ATG2B: variants seen among roughly 807,000 people sequenced by gnomAD.
The protein encoded by ATG2B is autophagy-related protein 2 homolog B.
In ATG2B, 121 loss-of-function variants were observed where a neutral mutation model predicts 241.3. The ratio of observed to expected loss-of-function variants is 0.50; its 90% CI spans 0.43 to 0.58. The LOEUF (loss-of-function observed/expected upper bound fraction) is 0.58, where lower values mean the gene tolerates loss of function less well. Ranked by LOEUF, ATG2B falls within the 20% of genes least tolerant of loss-of-function variation. ATG2B has a pLI of 0.00. For missense variants in ATG2B, 2,306 were observed against 2,491.6 expected (o/e 0.93, Z 1.59); for synonymous variants, 858 against 876.6 (o/e 0.98, Z 0.37).
In ATG2B at chr14:96,317,208, CTG is replaced by C; in HGVS notation, c.3145_3146del (p.Gln1049GlufsTer10). The C allele has an allele frequency of 6.2e-7, 1 of 1,613,890 alleles. No homozygotes were observed. The highest frequency in any genetic ancestry group is 2.2e-5 in the East Asian group (1 of 44,856). On this transcript the variant is annotated frameshift_variant, in exon 20 of 42. Coordinates refer to ENST00000359933, the MANE Select transcript of ATG2B (RefSeq NM_018036.7). LOFTEE classifies it high-confidence loss of function. ...KKLDSQNKNS[Q>X]SFLSVLLNIN... is the part of the protein sequence containing the mutation. ...TATTCAGAAGAACTGAGAGAAAACT[CTG>C]AGAGTTCTTGTTCTGAGAGTCTAAT...
rs886603392 is a variant in ATG2B at position 96,316,983 on chromosome 14, C to T, written c.3210+162G>A. 2.6e-5 allele frequency among the ~76,000 whole-genome samples: 4 copies of T among 152,182 alleles called. No individual in the cohort carries two copies. In the South Asian group the frequency reaches 8.3e-4, roughly 32 times the overall value. ...TTTGATCTGCAACGAAAGCTAAATC[C>T]CCAAAGTTGCTATCATCATGGTTTG... On this transcript the variant is annotated intron_variant, in intron 20 of 41. Coordinates refer to ENST00000359933, the MANE Select transcript of ATG2B (RefSeq NM_018036.7).
chr14:96,363,009 G>GC lies in ATG2B; in HGVS notation c.-34dup. The GC allele has an allele frequency of 6.2e-7, 1 of 1,611,420 alleles. No individual in the cohort carries two copies. The highest frequency in any genetic ancestry group is 8.5e-7 in the Non-Finnish European group (1 of 1,179,254). On this transcript the variant is annotated 5_prime_UTR_variant, in exon 1 of 42. Transcript: ENST00000359933. ...GCTGGCAGCTGGGCTGACTGCGGCTGCGGGTTGCGACGGCTCCGGCCTCGG... is the reference window on the plus strand; with the variant it reads ...GCTGGCAGCTGGGCTGACTGCGGCTGCCGGGTTGCGACGGCTCCGGCCTCGG...
At chr14:96,315,639 A>G in intron 21 of ATG2B, 56 bp from the exon 22 acceptor site, 1 of 1,422,114 alleles carries the variant, frequency 7.0e-7, no homozygotes, top group South Asian at 1.2e-5. Context: ...GAAATTAGCT[A>G]ATCAACTTAC....
chr14:96,345,650 A>G (rs1214658339), intron 2 of ATG2B, among the ~76,000 whole-genome samples: 1 of 152,190 alleles, frequency 6.6e-6, no homozygotes, highest in African/African-American at 2.4e-5. Context: ...ATATCAATTC[A>G]TGTATTCATT....
At chr14:96,351,733 C>A (rs1225739435) in intron 1 of ATG2B, among the ~76,000 whole-genome samples, 5 of 124,670 alleles carry the variant, frequency 4.0e-5, no homozygotes, top group Non-Finnish European at 8.3e-5. Flanking sequence ...AAGACTCCGT[C>A]TCAAAAAAAA....
chr14:96,285,386 T>C lies in ATG2B; in HGVS notation c.*369A>G, dbSNP rs1014319431. On this transcript the variant is annotated 3_prime_UTR_variant, in exon 42 of 42. Transcript: ENST00000359933. The surrounding 1 kb of genome is among the most constrained non-coding windows in gnomAD (Gnocchi z 4.2). ...TAAAAGTTCCGAAGCTGTGATTCTTTTTAAACCTTAAGAAAATCCAACTCC... is the reference window on the plus strand; with the variant it reads ...TAAAAGTTCCGAAGCTGTGATTCTTCTTAAACCTTAAGAAAATCCAACTCC... 6.3e-5 allele frequency: 11 copies of C among 175,480 alleles called. No homozygotes were observed. The highest frequency in any genetic ancestry group is 2.6e-4 in the African/African-American group (11 of 42,472). 10.9% of individuals were successfully genotyped at this position (175,480 alleles called of 1,614,324 possible).
Position 96,294,448 on chromosome 14 carries a change from C to T in ATG2B, c.5426+512G>A, listed in dbSNP as rs141416552. Among the ~76,000 whole-genome samples the T allele has an allele frequency of 7.9e-3, 1,199 of 152,334 alleles. 20 individuals carry two copies. Among genetic ancestry groups the T allele is most frequent in the Non-Finnish European group, 0.012 (793 of 68,028 alleles). ...TGGCCGAGCCGTTGGGCAGCAGTCA[C>T]AGCCGACGGCAGCAGCACAGCGGAC... is the stretch of plus-strand genomic sequence containing the variant. On this transcript the variant is annotated intron_variant, in intron 36 of 41. Coordinates refer to ENST00000359933, the MANE Select transcript of ATG2B (RefSeq NM_018036.7).
intron 1 of ATG2B, among the ~76,000 whole-genome samples, chr14:96,350,131 G>C (rs892710799): frequency 6.6e-6 from 1 of 152,128 alleles, no homozygotes; most frequent in African/African-American, 2.4e-5. Context: ...ACTCCAGTCT[G>C]AGCAACTTAG....
rs781683034 is a variant in ATG2B at position 96,347,225 on chromosome 14, C to T, written c.279G>A (p.Leu93=). 8 of 1,608,236 alleles carry T rather than the reference C, an allele frequency of 5.0e-6. No homozygotes were observed. The highest frequency in any genetic ancestry group is 6.8e-6 in the Non-Finnish European group (8 of 1,175,546). Residue 93 remains leucine, a synonymous_variant, in exon 2 of 42, where the codon CTG becomes CTA. Coordinates refer to ENST00000359933, the MANE Select transcript of ATG2B (RefSeq NM_018036.7). ...WGSLLQDNCA[L]EVRGLEMVFR... Reference sequence around the variant, plus strand: ...AGACCATTTCTAATCCTCTCACTTCCAGTGCACAATTATCCTGCAGTAAAG... The same window carrying T: ...AGACCATTTCTAATCCTCTCACTTCTAGTGCACAATTATCCTGCAGTAAAG...
In ATG2B at chr14:96,332,536, T is replaced by C. The variant is rs537604526; in HGVS notation, c.1327A>G (p.Asn443Asp). The change falls in exon 9 of 42, where the codon AAT becomes GAT. Residue 443 changes from asparagine (N) to aspartate (D), a missense_variant. By Grantham distance (23) the Asn-to-Asp change is conservative. Coordinates refer to ENST00000359933, the MANE Select transcript of ATG2B (RefSeq NM_018036.7). ...CTTAATGGAGATCCTGCTGGGGTAT[T>C]TGTATATGTACTAGTTAATGATAAC... ...LELSLTSTYT[N>D]TPAGSPLSAT... 18 of 1,610,656 alleles carry C rather than the reference T, an allele frequency of 1.1e-5. 1 individual carries two copies. The highest frequency in any genetic ancestry group is 1.1e-4 in the East Asian group (5 of 44,848).
intron 29 of ATG2B, among the ~76,000 whole-genome samples, chr14:96,308,271 T>TATATAC: frequency 3.8e-5 from 1 of 26,456 alleles, no homozygotes; most frequent in Non-Finnish European, 8.2e-5. Context: ...TATATATATA[T>TATATAC]ATATATATAT....
intron 6 of ATG2B, among the ~76,000 whole-genome samples, chr14:96,340,925 C>T (rs1478936134): frequency 2.6e-5 from 1 of 38,292 alleles, no homozygotes; most frequent in African/African-American, 1.2e-4. Flanking sequence ...GACCCCATCT[C>T]GAAAAAAAAA....
At chr14:96,357,581 C>G (rs904066022) in intron 1 of ATG2B, among the ~76,000 whole-genome samples, 1 of 152,164 alleles carries the variant, frequency 6.6e-6, no homozygotes, top group Non-Finnish European at 1.5e-5. Context: ...GTGGAGAAAA[C>G]CTGCTCCTTC....
At chr14:96,294,368 T>C (rs1160969196) in intron 36 of ATG2B, among the ~76,000 whole-genome samples, 2 of 152,124 alleles carry the variant, frequency 1.3e-5, no homozygotes, top group African/African-American at 2.4e-5. Flanking sequence ...AGAAAGAAGA[T>C]GAGAAGAACA....
rs776491138 is a variant in ATG2B, at chr14:96,306,731, GTGCAAAAAGAA to G, written c.4478_4488del (p.Ile1493ThrfsTer19). Reference sequence around the variant, plus strand: ...TTTATTACCTGCATGGCTGCTTTTGGTGCAAAAAGAATGCAAAAGTCATCATTCTCAGTGGG... The same window carrying G: ...TTTATTACCTGCATGGCTGCTTTTGGTGCAAAAGTCATCATTCTCAGTGGG... On this transcript the variant is annotated frameshift_variant, in exon 30 of 42. Coordinates refer to ENST00000359933, the MANE Select transcript of ATG2B (RefSeq NM_018036.7). LOFTEE classifies it high-confidence loss of function. 1 of 1,613,414 alleles carries G rather than the reference GTGCAAAAAGAA, an allele frequency of 6.2e-7. No homozygotes were observed. Among genetic ancestry groups the G allele is most frequent in the South Asian group, 1.1e-5 (1 of 90,982 alleles).
At chr14:96,318,288 T>TC (rs1317128114) in intron 18 of ATG2B, 1 of 153,298 alleles carries the variant, frequency 6.5e-6, no homozygotes, top group Non-Finnish European at 1.5e-5. Flanking sequence ...TCACTGACCC[T>TC]CCCCTCAGTC....
chr14:96,343,083 T>C (rs745893657), intron 5 of ATG2B, 36 bp downstream of exon 5: 2 of 1,466,518 alleles, frequency 1.4e-6, no homozygotes, highest in Non-Finnish European at 9.1e-7. Context: ...TTAAAAAATC[T>C]ATGATTATGG....
chr14:96,333,361 CATA>C (rs749837740), intron 8 of ATG2B, among the ~76,000 whole-genome samples: 8 of 152,120 alleles, frequency 5.3e-5, no homozygotes, highest in Non-Finnish European at 8.8e-5. Context: ...TACATGAGCA[CATA>C]ATAATTTGAC....
In ATG2B at chr14:96,311,618, T is replaced by G; in HGVS notation, c.3914A>C (p.Asp1305Ala). Reference sequence around the variant, plus strand: ...CCCCATATCCATCACACGAACATAATCTAAAATTTTTAAAATTAAGAAAAT... The same window carrying G: ...CCCCATATCCATCACACGAACATAAGCTAAAATTTTTAAAATTAAGAAAAT... ...CNTVTINLSRDYVRVMDMGLL... is the reference protein window; with the variant it reads ...CNTVTINLSRAYVRVMDMGLL... The change falls in exon 27 of 42, where the codon GAT becomes GCT. Residue 1305 changes from aspartate (D) to alanine (A), a missense_variant and splice_region_variant. By Grantham distance (126) the Asp-to-Ala change is moderately radical. Around this residue, in one of 2 missense-constraint regions of ATG2B, gnomAD observed 1,927 missense variants for 2,011.2 expected, o/e 0.96. Coordinates refer to ENST00000359933, the MANE Select transcript of ATG2B (RefSeq NM_018036.7). 6.2e-7 allele frequency: 1 copy of G among 1,603,038 alleles called. No individual in the cohort carries two copies.
Sources: gnomAD v4.1 joint callset for allele counts (sites outside exome capture counted in the v4.1 genomes callset) on GRCh38, gnomAD v4.1.1 for gene constraint, gnomAD v4.1.1 regional missense constraint, Gnocchi (gnomAD v3.1) non-coding constraint, MANE v1.5 for transcripts, NCBI Gene and HGNC (gene_info 2026-07-23, HGNC 2026-07-21) for gene names.